Variants in CD163L1 observed in about 807,000 individuals in gnomAD.
CD163L1 encodes the protein CD163 molecule like 1.
CD163L1 carries 124 observed loss-of-function variants against 165.4 expected under a neutral mutation model. The observed-to-expected ratio is 0.75, with a 90% CI of 0.65 to 0.87. The LOEUF is 0.87. CD163L1 is among the 40% of genes least tolerant of loss of function. CD163L1 has a pLI of 0.00. For missense variants in CD163L1, 1,525 were observed against 1,799.9 expected (o/e 0.85, Z 2.76); for synonymous variants, 585 against 662.2 (o/e 0.88, Z 1.79).
At chr12:7,360,870 T>C (rs949173933) in intron 18 of CD163L1, among the ~76,000 whole-genome samples, 1 of 152,174 alleles carries the variant, frequency 6.6e-6, no homozygotes, top group African/African-American at 2.4e-5. Context: ...GTTCGTATGT[T>C]GGATATTTTG....
the CD163L1 span, among the ~76,000 whole-genome samples, chr12:7,321,172 C>T: frequency 6.6e-6 from 1 of 151,982 alleles, no homozygotes; most frequent in African/African-American, 2.4e-5. Context: ...TCCCAGAACT[C>T]CCACTCAAAA....
chr12:7,402,440 C>G (rs1947932668), intron 6 of CD163L1, among the ~76,000 whole-genome samples: 1 of 151,768 alleles, frequency 6.6e-6, no homozygotes, highest in Admixed American at 6.6e-5. Flanking sequence ...ATCTATCAGG[C>G]TTTTAGGATA....
the CD163L1 span, among the ~76,000 whole-genome samples, chr12:7,327,279 T>C: frequency 3.3e-5 from 5 of 152,240 alleles, no homozygotes; most frequent in Non-Finnish European, 7.3e-5. Flanking sequence ...AAGTGAATTA[T>C]AAACCAGAAC....
the CD163L1 span, among the ~76,000 whole-genome samples, chr12:7,331,632 C>T: frequency 5.9e-5 from 9 of 152,292 alleles, no homozygotes; most frequent in East Asian, 1.9e-4. Flanking sequence ...CACCAATATC[C>T]GCTGTTCTGC....
chr12:7,377,846 C>T (rs947405454), intron 9 of CD163L1, among the ~76,000 whole-genome samples: 17 of 152,176 alleles, frequency 1.1e-4, no homozygotes, highest in Non-Finnish European at 1.5e-4. Flanking sequence ...GGGCTAAGAG[C>T]TCCTCTTTCT....
At chr12:7,394,370 T>A (rs1213365955) in intron 8 of CD163L1, among the ~76,000 whole-genome samples, 2 of 152,150 alleles carry the variant, frequency 1.3e-5, no homozygotes, top group African/African-American at 4.8e-5. Context: ...TAAATGGTGC[T>A]GGGAAAACTG....
chr12:7,429,430 AT>A (rs1247337575), intron 4 of CD163L1, among the ~76,000 whole-genome samples: 1 of 152,060 alleles, frequency 6.6e-6, no homozygotes, highest in African/African-American at 2.4e-5. Context: ...CTGATACTAA[AT>A]TTATATCTCT....
chr12:7,421,760 TATATATA>T (rs1447432998), intron 4 of CD163L1, among the ~76,000 whole-genome samples: 93 of 136,670 alleles, frequency 6.8e-4, no homozygotes, highest in African/African-American at 1.7e-3. Context: ...TATATATATA[TATATATA>T]TATTTTTTCT....
chr12:7,401,520 G>C (rs1421332229), intron 6 of CD163L1, among the ~76,000 whole-genome samples: 1 of 151,972 alleles, frequency 6.6e-6, no homozygotes, highest in East Asian at 1.9e-4. Context: ...AATCAAGTGT[G>C]AAAAATGTAT....
At chr12:7,323,771 C>T in the CD163L1 span, among the ~76,000 whole-genome samples, 6 of 152,198 alleles carry the variant, frequency 3.9e-5, no homozygotes, top group Middle Eastern at 6.8e-3. Flanking sequence ...AAAGGAAAAC[C>T]GGACAGGCTG....
In CD163L1 at chr12:7,374,914, G is replaced by A; in HGVS notation, c.3011C>T (p.Thr1004Ile). The A allele has an allele frequency of 6.2e-7, 1 of 1,614,182 alleles. No individual in the cohort carries two copies. The highest frequency in any genetic ancestry group is 8.5e-7 in the Non-Finnish European group (1 of 1,180,018). ...TVSVICTGSL[T>I]QPLFPCLANV... The stretch of plus-strand genomic sequence containing the variant: ...TGCGAGGCATGGAAACAGTGGCTGG[G>A]TCAGGCTTCCTGGTGGAGGGTGCAG... Residue 1004 changes from threonine (T) to isoleucine (I), a missense_variant, in exon 12 of 20, where the codon ACC (threonine) becomes ATC (isoleucine). Thr to Ile is a moderately conservative substitution (Grantham distance 89). Coordinates refer to ENST00000313599, the MANE Select transcript of CD163L1 (RefSeq NM_174941.6). This position sits in a 1 kb window ranked among gnomAD's most constrained non-coding sequence, Gnocchi z 5.4.
At chr12:7,421,056 C>CATATATAT (rs1565808817) in intron 4 of CD163L1, among the ~76,000 whole-genome samples, 1 of 73,112 alleles carries the variant, frequency 1.4e-5, no homozygotes, top group East Asian at 5.3e-4. Flanking sequence ...TATGTATATA[C>CATATATAT]GTATATATGT....
At chr12:7,333,286 C>G in the CD163L1 span, among the ~76,000 whole-genome samples, 1 of 152,194 alleles carries the variant, frequency 6.6e-6, no homozygotes, top group Non-Finnish European at 1.5e-5. Context: ...TTATAACAAA[C>G]TGTCTCTCAG....
the CD163L1 span, chr12:7,323,489 C>A: frequency 6.2e-7 from 1 of 1,613,972 alleles, no homozygotes; most frequent in Non-Finnish European, 8.5e-7. Flanking sequence ...TGTTCTACCA[C>A]CTGGCAAAGA....
the CD163L1 span, among the ~76,000 whole-genome samples, chr12:7,323,801 G>A: frequency 5.3e-4 from 80 of 152,244 alleles, no homozygotes; most frequent in African/African-American, 1.9e-3. Flanking sequence ...TGCAGTTGGG[G>A]GGTGCTAGAG....
the CD163L1 span, chr12:7,320,942 C>A: frequency 2.6e-6 from 2 of 781,734 alleles, no homozygotes. Flanking sequence ...ATAATTCTAT[C>A]GTCGGAGGAC....
chr12:7,389,501 T>C (rs1311219263), intron 8 of CD163L1, among the ~76,000 whole-genome samples: 1 of 152,076 alleles, frequency 6.6e-6, no homozygotes, highest in Non-Finnish European at 1.5e-5. Flanking sequence ...GAAGGATGTT[T>C]ATCAGAGGCT....
At chr12:7,395,995 A>C (rs767761334) in intron 8 of CD163L1, 100 bp downstream of exon 8, 30 of 871,122 alleles carry the variant, frequency 3.4e-5, no homozygotes, top group South Asian at 7.6e-5. Flanking sequence ...AAAAGTGAGC[A>C]ATGAGCACTC....
chr12:7,388,106 A>T (rs1252544726), intron 8 of CD163L1, among the ~76,000 whole-genome samples: 2 of 152,208 alleles, frequency 1.3e-5, no homozygotes, highest in African/African-American at 2.4e-5. Flanking sequence ...CTCTCTCACC[A>T]TACATAAAAA....
Sources: allele counts gnomAD v4.1 joint callset (sites outside exome capture counted in the v4.1 genomes callset), GRCh38; gene constraint gnomAD v4.1.1; non-coding constraint Gnocchi (gnomAD v3.1); transcripts MANE v1.5; gene names NCBI Gene and HGNC (gene_info 2026-07-23, HGNC 2026-07-21).